VIPR2: variants seen among roughly 807,000 people sequenced by gnomAD.
VIPR2 encodes the protein vasoactive intestinal peptide receptor 2.
VIPR2 carries 48 observed loss-of-function variants against 58.0 expected under a neutral mutation model. The ratio of observed to expected loss-of-function variants is 0.83; its 90% CI spans 0.66 to 1.05. The LOEUF is 1.05. Ranked by LOEUF, VIPR2 falls within the 50% of genes least tolerant of loss-of-function variation. The pLI is 0.00. For missense variants in VIPR2, 534 were observed against 558.0 expected (o/e 0.96, Z 0.43); for synonymous variants, 243 against 235.2 (o/e 1.03, Z -0.30).
At chr7:159,091,083 T>G (rs910516042) in intron 4 of VIPR2, among the ~76,000 whole-genome samples, 77 of 151,840 alleles carry the variant, frequency 5.1e-4, no homozygotes, top group Non-Finnish European at 9.1e-4. Context: ...AGACACGCTG[T>G]GATCACACAC....
chr7:159,071,744 A>G (rs1856405539), intron 4 of VIPR2, among the ~76,000 whole-genome samples: 1 of 152,270 alleles, frequency 6.6e-6, no homozygotes, highest in Non-Finnish European at 1.5e-5. Flanking sequence ...CACACCGCAC[A>G]CAGCATGGCC....
chr7:159,029,484 A>T lies in VIPR2; in HGVS notation c.*1132T>A, dbSNP rs1402952630. The T allele has an allele frequency of 6.6e-6, 1 of 152,216 alleles. No individual in the cohort carries two copies. The highest frequency in any genetic ancestry group is 2.4e-5 in the African/African-American group (1 of 41,446). 9.4% of individuals were successfully genotyped at this position (152,216 alleles called of 1,614,324 possible). ...GGGGAGGAGGGCTTGAAACAGTTTTATATGTTGTTAAAATAATTCTTATCC... is the reference window on the plus strand; with the variant it reads ...GGGGAGGAGGGCTTGAAACAGTTTTTTATGTTGTTAAAATAATTCTTATCC... On this transcript the variant is annotated 3_prime_UTR_variant, in exon 13 of 13. Transcript: ENST00000262178.
chr7:159,065,100 T>C (rs1042276268), intron 4 of VIPR2, among the ~76,000 whole-genome samples: 2 of 152,212 alleles, frequency 1.3e-5, no homozygotes, highest in African/African-American at 2.4e-5. Context: ...CGATTCCTCC[T>C]GGACTAAGGC....
chr7:159,075,563 T>C (rs1337959423), intron 4 of VIPR2, among the ~76,000 whole-genome samples: 4 of 148,732 alleles, frequency 2.7e-5, no homozygotes, highest in African/African-American at 5.0e-5. Context: ...AGCCCAGGGC[T>C]GGCACCCACG....
chr7:159,031,466 AACCCAGG>A lies in VIPR2; in HGVS notation c.1143+355_1143+361del, dbSNP rs1853579140. On this transcript the variant is annotated intron_variant, in intron 12 of 12. Coordinates refer to ENST00000262178, the MANE Select transcript of VIPR2 (RefSeq NM_003382.5). The surrounding 1 kb of genome is among the most constrained non-coding windows in gnomAD (Gnocchi z 4.0). The stretch of plus-strand genomic sequence containing the variant: ...AGGACGCTGTGCAGCCCCACCCCCC[AACCCAGG>A]CCCGGCTTTCTGGGACTCACAAGCT... 1 of 975,408 alleles carries A rather than the reference AACCCAGG, an allele frequency of 1.0e-6. No individual in the cohort carries two copies. The highest frequency in any genetic ancestry group is 1.2e-6 in the Non-Finnish European group (1 of 822,596). 60.4% of individuals were successfully genotyped at this position (975,408 alleles called of 1,614,324 possible). A position where few individuals can be genotyped will look rare whatever the true frequency, so the allele number is the denominator to read the frequency against.
intron 4 of VIPR2, among the ~76,000 whole-genome samples, chr7:159,102,199 G>A (rs1858341061): frequency 6.8e-6 from 1 of 147,170 alleles, no homozygotes; most frequent in African/African-American, 2.5e-5. Context: ...CTGTTCCTGT[G>A]ATAGTGAACG....
At chr7:159,050,639 G>A (rs1854945865) in intron 5 of VIPR2, among the ~76,000 whole-genome samples, 1 of 151,950 alleles carries the variant, frequency 6.6e-6, no homozygotes, top group Admixed American at 6.6e-5. Flanking sequence ...CCAAAAATAT[G>A]AAAAATATAG....
At chr7:159,140,145 T>C (rs972785444) in intron 2 of VIPR2, among the ~76,000 whole-genome samples, 1 of 152,222 alleles carries the variant, frequency 6.6e-6, no homozygotes, top group Non-Finnish European at 1.5e-5. Flanking sequence ...TTACACAAAT[T>C]ACCTCATTGG....
rs1585484286 is a variant in VIPR2, at chr7:159,097,302, A to C, written c.357+6455T>G. The C allele has an allele frequency of 2.3e-6, 3 of 1,319,108 alleles. No homozygotes were observed. Among genetic ancestry groups the C allele is most frequent in the Non-Finnish European group, 2.9e-6 (3 of 1,030,956 alleles). The allele number at this position is 1,319,108 out of a possible 1,614,324, so 81.7% of individuals were successfully genotyped here. On this transcript the variant is annotated intron_variant, in intron 4 of 12. Transcript: ENST00000262178. The surrounding 1 kb of genome is among the most constrained non-coding windows in gnomAD (Gnocchi z 5.3). ...GGCGTAACACGGAAGAAATGTGTGC[A>C]CTTGAAGCATGGGGAGGCCGAAATG...
At chr7:159,066,597 T>C (rs1213020607) in intron 4 of VIPR2, among the ~76,000 whole-genome samples, 1 of 152,248 alleles carries the variant, frequency 6.6e-6, no homozygotes, top group Admixed American at 6.5e-5. Context: ...CTTGGCCTAG[T>C]TGGACAGCCT....
In VIPR2 at chr7:159,068,853, T is replaced by A. The variant is rs114969123; in HGVS notation, c.358-10275A>T. 8.3e-3 allele frequency among the ~76,000 whole-genome samples: 1,258 copies of A among 152,302 alleles called. 17 individuals are homozygous for A. The highest frequency in any genetic ancestry group is 0.028 in the African/African-American group (1,177 of 41,550). On this transcript the variant is annotated intron_variant, in intron 4 of 12. Coordinates refer to ENST00000262178, the MANE Select transcript of VIPR2 (RefSeq NM_003382.5). The stretch of plus-strand genomic sequence containing the variant: ...CTGCTCTTCACCAATTATCTTGTGA[T>A]CAGAGTTCAGACTAAACAGTCAGAA...
At chr7:159,141,877 T>C (rs1163393887) in intron 2 of VIPR2, among the ~76,000 whole-genome samples, 2 of 152,206 alleles carry the variant, frequency 1.3e-5, no homozygotes, top group African/African-American at 2.4e-5. Flanking sequence ...CCGGGTGCTA[T>C]CCCAGGGCAG....
At chr7:159,063,421 C>T (rs993051152) in intron 4 of VIPR2, among the ~76,000 whole-genome samples, 1 of 152,056 alleles carries the variant, frequency 6.6e-6, no homozygotes, top group Non-Finnish European at 1.5e-5. Flanking sequence ...CAGCGCCGGC[C>T]GGCCGCTCCA....
At chr7:159,106,796 C>T (rs550896391) in intron 3 of VIPR2, among the ~76,000 whole-genome samples, 78 of 133,490 alleles carry the variant, frequency 5.8e-4, no homozygotes, top group Middle Eastern at 4.6e-3. Context: ...AGAGAGAGGC[C>T]GGGGAGGTAC....
chr7:159,030,734 C>A lies in VIPR2; in HGVS notation c.1199G>T (p.Ser400Ile). The A allele has an allele frequency of 6.3e-7, 1 of 1,591,682 alleles. No individual in the cohort carries two copies. Among genetic ancestry groups the A allele is most frequent in the East Asian group, 2.3e-5 (1 of 43,530 alleles). ...WRSRCPTPSASRDYRVCGSSF... is the reference protein window; with the variant it reads ...WRSRCPTPSAIRDYRVCGSSF... ...GGAACCGCAGACCCTGTAATCCCGG[C>A]TCGCGGACGGGGTCGGGCACCGGCT... Residue 400 changes from serine to isoleucine, a missense_variant, in exon 13 of 13, where the codon AGC (serine) becomes ATC (isoleucine). Coordinates refer to ENST00000262178, the MANE Select transcript of VIPR2 (RefSeq NM_003382.5).
intron 3 of VIPR2, among the ~76,000 whole-genome samples, chr7:159,104,414 G>A (rs111299120): frequency 0.035 from 5,184 of 149,496 alleles, 277 homozygotes; most frequent in African/African-American, 0.12. Context: ...CAGGTGTCCC[G>A]CCTGCTCCAG....
chr7:159,116,474 G>C (rs1796241803), intron 2 of VIPR2, among the ~76,000 whole-genome samples: 1 of 152,070 alleles, frequency 6.6e-6, no homozygotes. Context: ...TCAGTCACAG[G>C]GGCTGGTCAG....
chr7:159,036,150 T>C, intron 7 of VIPR2, 138 bp from the exon 8 acceptor site: 1 of 1,086,140 alleles, frequency 9.2e-7, no homozygotes, highest in Non-Finnish European at 1.3e-6. Flanking sequence ...AAAGTCTTTG[T>C]AAATATTTAC....
intron 2 of VIPR2, among the ~76,000 whole-genome samples, chr7:159,138,988 A>G (rs1461465569): frequency 1.3e-5 from 2 of 152,186 alleles, no homozygotes; most frequent in Non-Finnish European, 2.9e-5. Flanking sequence ...TCCTCTGGGC[A>G]CTGGAGGAGA....
Sources: gnomAD v4.1 joint callset for allele counts (sites outside exome capture counted in the v4.1 genomes callset) on GRCh38, gnomAD v4.1.1 for gene constraint, Gnocchi (gnomAD v3.1) non-coding constraint, MANE v1.5 for transcripts, NCBI Gene and HGNC (gene_info 2026-07-23, HGNC 2026-07-21) for gene names.